Variants in ANO2 observed in about 807,000 individuals in gnomAD.
ANO2 encodes the protein anoctamin 2.
In ANO2, 101 loss-of-function variants were observed where a neutral mutation model predicts 124.2. The observed-to-expected ratio is 0.81, with a 90% CI of 0.69 to 0.96. ANO2 has a LOEUF of 0.96. Ranked by LOEUF, ANO2 falls within the 40% of genes least tolerant of loss-of-function variation. ANO2 has a pLI of 0.00. For missense variants in ANO2, 1,293 were observed against 1,274.5 expected, an observed-to-expected ratio of 1.01 and a Z score of -0.22; for synonymous variants, 486 against 482.5, an observed-to-expected ratio of 1.01 and a Z score of -0.09.
chr12:5,851,539 G>T (rs1954904833), intron 4 of ANO2, among the ~76,000 whole-genome samples: 1 of 152,076 alleles, frequency 6.6e-6, no homozygotes, highest in African/African-American at 2.4e-5. Context: ...ACAAAAATTA[G>T]CTGGGCATGG....
upstream of ANO2, among the ~76,000 whole-genome samples, chr12:5,945,589 A>C (rs1943070636): frequency 6.6e-6 from 1 of 152,252 alleles, no homozygotes; most frequent in African/African-American, 2.4e-5. Flanking sequence ...CAGTCGGATT[A>C]TCTCATGAAC....
At chr12:5,839,506 T>C (rs1954440787) in intron 4 of ANO2, 1 of 450,370 alleles carries the variant, frequency 2.2e-6, no homozygotes, top group South Asian at 1.6e-5. Context: ...CTGGACTAAA[T>C]ACTTTAAAAA....
intron 14 of ANO2, among the ~76,000 whole-genome samples, chr12:5,681,349 C>G (rs896681427): frequency 5.9e-5 from 9 of 152,170 alleles, no homozygotes; most frequent in African/African-American, 2.2e-4. Flanking sequence ...TTTTATGAAT[C>G]ATGAATTTCA....
At chr12:5,662,620 GT>G in intron 14 of ANO2, among the ~76,000 whole-genome samples, 1 of 152,276 alleles carries the variant, frequency 6.6e-6, no homozygotes, top group Middle Eastern at 3.4e-3. Context: ...AATAGTGTTT[GT>G]TTTTTAACTA....
chr12:5,698,811 G>A (rs970372595), intron 14 of ANO2, among the ~76,000 whole-genome samples: 3 of 152,246 alleles, frequency 2.0e-5, no homozygotes, highest in African/African-American at 7.2e-5. Context: ...ACAAGCTTCA[G>A]TAGCTGATTC....
At chr12:5,654,521 A>G (rs1399164320) in intron 14 of ANO2, among the ~76,000 whole-genome samples, 1 of 151,538 alleles carries the variant, frequency 6.6e-6, no homozygotes, top group Non-Finnish European at 1.5e-5. Context: ...CCAAGCCTTT[A>G]CTCTTCTGTC....
At chr12:5,796,775 T>A (rs779366044) in intron 10 of ANO2, among the ~76,000 whole-genome samples, 4 of 152,156 alleles carry the variant, frequency 2.6e-5, no homozygotes, top group Admixed American at 6.5e-5. Context: ...CCAGGAACGG[T>A]GTCTCAAACC....
chr12:5,754,855 A>G (rs1951531243), intron 10 of ANO2, among the ~76,000 whole-genome samples: 1 of 149,890 alleles, frequency 6.7e-6, no homozygotes, highest in Non-Finnish European at 1.5e-5. Flanking sequence ...TCGTCAACAA[A>G]CTCTTAGCTT....
intron 1 of ANO2, among the ~76,000 whole-genome samples, chr12:5,924,183 C>G (rs1172191607): frequency 2.0e-5 from 3 of 152,224 alleles, no homozygotes; most frequent in African/African-American, 7.2e-5. Context: ...ACAGAACTCC[C>G]GGCCCTTTGC....
Position 5,599,714 on chromosome 12 carries a change from AGTTTTGACAC to A in ANO2, c.2088-95_2088-86del, listed in dbSNP as rs1271837015. 26 of 1,444,562 alleles carry A rather than the reference AGTTTTGACAC, an allele frequency of 1.8e-5. 1 individual carries two copies. In the Admixed American group the frequency reaches 4.7e-4, roughly 26 times the overall value. 89.5% of individuals were successfully genotyped at this position (1,444,562 alleles called of 1,614,324 possible). On this transcript the variant is annotated intron_variant, in intron 19 of 24. Coordinates refer to ENST00000682330, the MANE Select transcript of ANO2 (RefSeq NM_001364791.2). ...ACAGAAAAAAGAAAAAGAACACAAA[AGTTTTGACAC>A]TAAAGCCATCTCTGATCCAAAAACA...
intron 23 of ANO2, among the ~76,000 whole-genome samples, chr12:5,574,579 C>T (rs568372236): frequency 5.3e-5 from 8 of 152,332 alleles, no homozygotes; most frequent in African/African-American, 1.9e-4. Context: ...AGCCACTCTC[C>T]TATGTCTACT....
intron 3 of ANO2, among the ~76,000 whole-genome samples, chr12:5,898,104 A>G (rs546186698): frequency 1.3e-5 from 2 of 152,190 alleles, no homozygotes; most frequent in African/African-American, 4.8e-5. Flanking sequence ...TTTAAAAAAG[A>G]GGATATCCAA....
intron 20 of ANO2, among the ~76,000 whole-genome samples, chr12:5,599,242 A>T (rs971867260): frequency 1.3e-5 from 2 of 152,230 alleles, no homozygotes; most frequent in Non-Finnish European, 2.9e-5. Context: ...AGAGAACATC[A>T]TCCTAGAATT....
intron 1 of ANO2, among the ~76,000 whole-genome samples, chr12:5,936,089 T>C (rs759113914): frequency 1.4e-4 from 21 of 152,354 alleles, no homozygotes; most frequent in Non-Finnish European, 3.1e-4. Flanking sequence ...ATCAGGTTCA[T>C]CTTTTTATTG....
chr12:5,879,579 G>A (rs535953235), intron 3 of ANO2, among the ~76,000 whole-genome samples: 8 of 152,098 alleles, frequency 5.3e-5, no homozygotes, highest in Non-Finnish European at 1.2e-4. Flanking sequence ...ATATTTGCAG[G>A]GTGCAATACA....
At chr12:5,796,572 C>A (rs932932603) in intron 10 of ANO2, among the ~76,000 whole-genome samples, 1 of 152,190 alleles carries the variant, frequency 6.6e-6, no homozygotes, top group Non-Finnish European at 1.5e-5. Flanking sequence ...CAGGCTCACA[C>A]ACACACTCAG....
intron 3 of ANO2, among the ~76,000 whole-genome samples, chr12:5,868,783 C>T (rs190339285): frequency 6.6e-6 from 1 of 152,146 alleles, no homozygotes; most frequent in Non-Finnish European, 1.5e-5. Context: ...TGCCTGAGAC[C>T]GCAGGTCTGG....
intron 3 of ANO2, among the ~76,000 whole-genome samples, chr12:5,911,059 A>C (rs1941019914): frequency 6.6e-6 from 1 of 152,172 alleles, no homozygotes; most frequent in Admixed American, 6.5e-5. Context: ...CCTTCACAAC[A>C]GAGTTAAGCC....
At chr12:5,867,532 T>C (rs1955458133) in intron 3 of ANO2, among the ~76,000 whole-genome samples, 1 of 152,100 alleles carries the variant, frequency 6.6e-6, no homozygotes, top group African/African-American at 2.4e-5. Flanking sequence ...AGGGCTCAGG[T>C]AAGTGAAGTT....
Sources: allele counts gnomAD v4.1 joint callset (sites outside exome capture counted in the v4.1 genomes callset), GRCh38; gene constraint gnomAD v4.1.1; transcripts MANE v1.5; gene names NCBI Gene and HGNC (gene_info 2026-07-23, HGNC 2026-07-21).